The following SUN2 variants were observed in gnomAD, a reference collection of about 807,000 sequenced individuals.
SUN2 encodes the protein Sad1 and UNC84 domain containing 2.
In SUN2, 60 loss-of-function variants were observed where a neutral mutation model predicts 100.0. That is an observed-to-expected ratio of 0.60 (90% CI 0.49 to 0.74). SUN2 has a LOEUF of 0.74. Ranked by LOEUF, SUN2 falls within the 30% of genes least tolerant of loss-of-function variation. The probability of loss-of-function intolerance (pLI) is 0.00; values close to 1 mark genes in which losing one functional copy is unlikely to be tolerated. For synonymous variants in SUN2, 367 were observed against 403.3 expected (o/e 0.91, Z 1.08); for missense variants, 834 against 954.6 (o/e 0.87, Z 1.66).
At chr22:38,741,191 T>A in intron 10 of SUN2, 141 bp from the exon 11 acceptor site, 1 of 920,752 alleles carries the variant, frequency 1.1e-6, no homozygotes, top group Non-Finnish European at 1.7e-6. Flanking sequence ...AAAATCAAAC[T>A]GGCCTCCTTG....
Position 38,738,183 on chromosome 22 carries a change from A to C in SUN2, c.2030T>G (p.Phe677Cys). The C allele has an allele frequency of 1.2e-6, 2 of 1,613,942 alleles. No homozygotes were observed. Among genetic ancestry groups the C allele is most frequent in the East Asian group, 4.5e-5 (2 of 44,880 alleles). Residue 677 changes from phenylalanine (F) to cysteine (C), a missense_variant, in exon 17 of 18, where the codon TTT becomes TGT. Around this residue, in one of 3 missense-constraint regions of SUN2, gnomAD observed 80 missense variants for 76.7 expected, o/e 1.04. Transcript: ENST00000689035. The surrounding 1 kb of genome is among the most constrained non-coding windows in gnomAD (Gnocchi z 6.6). ...AGCAGCATCCCGTACCTGAAAGTGA[A>C]ACGTCTGAATAGGCTCGCCGTCCTG... is the stretch of plus-strand genomic sequence containing the variant. ...YDQDGEPIQT[F>C]HFQAPTMATY...
chr22:38,751,434 G>A, intron 2 of SUN2, 61 bp from the exon 3 acceptor site: 7 of 1,589,532 alleles, frequency 4.4e-6, no homozygotes, highest in African/African-American at 1.3e-5. Context: ...CCAGGAGCAT[G>A]AAGGAAAGCC....
At chr22:38,748,495 G>A (rs1182330786) in intron 7 of SUN2, among the ~76,000 whole-genome samples, 1 of 152,230 alleles carries the variant, frequency 6.6e-6, no homozygotes, top group Non-Finnish European at 1.5e-5. Flanking sequence ...TTCACCCAAT[G>A]TTGCGGCACT....
Position 38,739,291 on chromosome 22 carries a change from G to C in SUN2, c.1663+51C>G, listed in dbSNP as rs551621045. On this transcript the variant is annotated intron_variant, in intron 14 of 17. Transcript: ENST00000689035. The surrounding 1 kb of genome is among the most constrained non-coding windows in gnomAD (Gnocchi z 6.7). Reference sequence around the variant, plus strand: ...CCAACCTGGTAGATGCCAGGGGACCGGCCATTGCGGGGTCCAGGACAAGGC... The same window carrying C: ...CCAACCTGGTAGATGCCAGGGGACCCGCCATTGCGGGGTCCAGGACAAGGC... The C allele has an allele frequency of 6.3e-7, 1 of 1,579,530 alleles. No homozygotes were observed. Among genetic ancestry groups the C allele is most frequent in the Admixed American group, 1.7e-5 (1 of 59,966 alleles).
intron 6 of SUN2, among the ~76,000 whole-genome samples, chr22:38,749,548 T>A (rs2092927407): frequency 6.6e-6 from 1 of 152,162 alleles, no homozygotes; most frequent in South Asian, 2.1e-4. Flanking sequence ...GAATCCTGCC[T>A]CGAAGGGCTA....
rs2092848015 is a variant in SUN2, at chr22:38,740,567, G to T, written c.1191-135C>A. The stretch of plus-strand genomic sequence containing the variant: ...CCAGCACTCATTGTGAACCTGAGAA[G>T]GGGCAAGGCCTCTCCTGGGGGTTCT... On this transcript the variant is annotated intron_variant, in intron 11 of 17. Coordinates refer to ENST00000689035, the MANE Select transcript of SUN2 (RefSeq NM_015374.3). This position sits in a 1 kb window ranked among gnomAD's most constrained non-coding sequence, Gnocchi z 4.8. 4.1e-6 allele frequency: 4 copies of T among 969,678 alleles called. No homozygotes were observed. Among genetic ancestry groups the T allele is most frequent in the Non-Finnish European group, 4.4e-6 (3 of 686,576 alleles). The allele number at this position is 969,678 out of a possible 1,614,324, so 60.1% of individuals were successfully genotyped here. A position where few individuals can be genotyped will look rare whatever the true frequency, so the allele number is the denominator to read the frequency against.
intron 7 of SUN2, among the ~76,000 whole-genome samples, chr22:38,746,155 C>G (rs1247808541): frequency 6.6e-6 from 1 of 152,214 alleles, no homozygotes; most frequent in Non-Finnish European, 1.5e-5. Context: ...GTCAGAATCA[C>G]CTGGGGAGAT....
At chr22:38,743,461 C>T (rs2092876757) in intron 8 of SUN2, 1 of 152,236 alleles carries the variant, frequency 6.6e-6, no homozygotes, top group Admixed American at 6.5e-5. Flanking sequence ...GTGGCAGGCT[C>T]CTGTAGTCCC....
rs774069341 is a variant in SUN2 at position 38,739,282 on chromosome 22, C to T, written c.1663+60G>A. 4 of 1,568,698 alleles carry T rather than the reference C, an allele frequency of 2.5e-6. No individual in the cohort carries two copies. Among genetic ancestry groups the T allele is most frequent in the Non-Finnish European group, 2.6e-6 (3 of 1,139,892 alleles). On this transcript the variant is annotated intron_variant, in intron 14 of 17. Coordinates refer to ENST00000689035, the MANE Select transcript of SUN2 (RefSeq NM_015374.3). The surrounding 1 kb of genome is among the most constrained non-coding windows in gnomAD (Gnocchi z 6.7). ...GCCCCACCACCAACCTGGTAGATGC[C>T]AGGGGACCGGCCATTGCGGGGTCCA... is the stretch of plus-strand genomic sequence containing the variant.
Position 38,739,499 on chromosome 22 carries a change from C to A in SUN2, c.1579-73G>T. The stretch of plus-strand genomic sequence containing the variant: ...CCCCCTGTCACCTCGTGGCCGTGGG[C>A]CAAGGACCCATGGGCTGACCCCTTC... On this transcript the variant is annotated intron_variant, in intron 13 of 17. Transcript: ENST00000689035. This position sits in a 1 kb window ranked among gnomAD's most constrained non-coding sequence, Gnocchi z 6.7. 2.6e-6 allele frequency: 4 copies of A among 1,545,936 alleles called. No homozygotes were observed. Among genetic ancestry groups the A allele is most frequent in the Non-Finnish European group, 3.5e-6 (4 of 1,127,104 alleles).
chr22:38,751,141 G>A (rs753721370), intron 3 of SUN2, 69 bp downstream of exon 3: 5 of 1,607,344 alleles, frequency 3.1e-6, no homozygotes, highest in Non-Finnish European at 3.4e-6. Context: ...GACTGCAGGG[G>A]ACACTGTGAG....
At position 38,747,161 on chromosome 22, in the gene SUN2, G is replaced by A. The variant is rs543279235; in HGVS notation, c.686-1350C>T. On this transcript the variant is annotated intron_variant, in intron 7 of 17. Coordinates refer to ENST00000689035, the MANE Select transcript of SUN2 (RefSeq NM_015374.3). ...AGACTGGCCAACATGGCGAAACCCC[G>A]TCTCTACTAAAAATATAAAAATTAG... Among the ~76,000 whole-genome samples the A allele has an allele frequency of 8.0e-5, 12 of 150,360 alleles. No individual in the cohort carries two copies. The South Asian group carries it at 1.7e-3, about 21-fold the overall frequency.
In SUN2 at chr22:38,739,224, T is replaced by C. The variant is rs2092833453; in HGVS notation, c.1663+118A>G. On this transcript the variant is annotated intron_variant, in intron 14 of 17. Transcript: ENST00000689035. This position sits in a 1 kb window ranked among gnomAD's most constrained non-coding sequence, Gnocchi z 6.7. ...CCTTTGTCATGGGTACTAGGTTGGG[T>C]GATTTCTGCTGATCCTGAGCTTTGC... The C allele has an allele frequency of 1.7e-6, 2 of 1,196,142 alleles. No homozygotes were observed. The highest frequency in any genetic ancestry group is 4.8e-5 in the East Asian group (2 of 41,896). The allele number at this position is 1,196,142 out of a possible 1,614,324, so 74.1% of individuals were successfully genotyped here.
chr22:38,754,936 C>T, intron 1 of SUN2: 1 of 1,289,270 alleles, frequency 7.8e-7, no homozygotes, highest in Non-Finnish European at 1.0e-6. Flanking sequence ...AAGGTCGAGG[C>T]CCCATTCTCC....
At position 38,735,440 on chromosome 22, in the gene SUN2, G is replaced by T; in HGVS notation, c.*827C>A. On this transcript the variant is annotated 3_prime_UTR_variant, in exon 18 of 18. Coordinates refer to ENST00000689035, the MANE Select transcript of SUN2 (RefSeq NM_015374.3). ...CAGATGCTAATGGCCCCAAAGACAGGTCTAGGTCTCCATACCCTGGGAGAA... is the reference window on the plus strand; with the variant it reads ...CAGATGCTAATGGCCCCAAAGACAGTTCTAGGTCTCCATACCCTGGGAGAA... 1 of 326,466 alleles carries T rather than the reference G, an allele frequency of 3.1e-6. No homozygotes were observed. Among genetic ancestry groups the T allele is most frequent in the Admixed American group, 4.4e-5 (1 of 22,972 alleles). 20.2% of individuals were successfully genotyped at this position (326,466 alleles called of 1,614,324 possible).
intron 1 of SUN2, 54 bp from the exon 2 acceptor site, chr22:38,752,719 C>T (rs1366456063): frequency 6.5e-7 from 1 of 1,543,954 alleles, no homozygotes; most frequent in Non-Finnish European, 8.7e-7. Flanking sequence ...GTCCCCAGCT[C>T]CTCTCTAGAG....
At chr22:38,743,307 C>A (rs368053087) in intron 8 of SUN2, among the ~76,000 whole-genome samples, 2 of 152,312 alleles carry the variant, frequency 1.3e-5, no homozygotes, top group South Asian at 2.1e-4. Flanking sequence ...CACAAACAGG[C>A]GGGACGTGGT....
rs1283044143 is a variant in SUN2, at chr22:38,754,669, A to G, written c.-38+1094T>C. 10 of 1,270,490 alleles carry G rather than the reference A, an allele frequency of 7.9e-6. No individual in the cohort carries two copies. In the African/African-American group the frequency reaches 1.7e-4, roughly 21 times the overall value. The allele number at this position is 1,270,490 out of a possible 1,614,324, so 78.7% of individuals were successfully genotyped here. A position where few individuals can be genotyped will look rare whatever the true frequency, so the allele number is the denominator to read the frequency against. On this transcript the variant is annotated intron_variant, in intron 1 of 17. Coordinates refer to ENST00000689035, the MANE Select transcript of SUN2 (RefSeq NM_015374.3). ...GAAGGCTCCAGCTGCCCACACAGGGACTCCTCTTAGCCTCTGTCCTGCTGA... is the reference window on the plus strand; with the variant it reads ...GAAGGCTCCAGCTGCCCACACAGGGGCTCCTCTTAGCCTCTGTCCTGCTGA...
chr22:38,750,511 G>T, intron 4 of SUN2, 191 bp from the exon 5 acceptor site: 2 of 1,276,340 alleles, frequency 1.6e-6, no homozygotes, highest in Non-Finnish European at 2.1e-6. Flanking sequence ...CTTCCTGTTT[G>T]CATCCCTCTC....
Sources: allele counts gnomAD v4.1 joint callset (sites outside exome capture counted in the v4.1 genomes callset), GRCh38; gene constraint gnomAD v4.1.1; regional missense constraint gnomAD v4.1.1; non-coding constraint Gnocchi (gnomAD v3.1); transcripts MANE v1.5; gene names NCBI Gene and HGNC (gene_info 2026-07-23, HGNC 2026-07-21).